The following GALNTL6 variants were observed in gnomAD, a reference collection of about 807,000 sequenced individuals.
The protein encoded by GALNTL6 is polypeptide N-acetylgalactosaminyltransferase-like 6.
In GALNTL6, 46 loss-of-function variants were observed where a neutral mutation model predicts 73.7. That is an observed-to-expected ratio of 0.62 (90% CI 0.49 to 0.80). The LOEUF is 0.80. GALNTL6 is among the 30% of genes least tolerant of loss of function. The pLI, the probability that GALNTL6 is intolerant of heterozygous loss-of-function variation, is 0.00. For missense variants in GALNTL6, 604 were observed against 755.0 expected, an observed-to-expected ratio of 0.80 and a Z score of 2.34; for synonymous variants, 259 against 263.7, an observed-to-expected ratio of 0.98 and a Z score of 0.17.
At position 172,604,486 on chromosome 4, in the gene GALNTL6, A is replaced by G. The variant is rs1200554841; in HGVS notation, c.554-204875A>G. ...AAGACTTTAAGCACCAGTGTGATAG[A>G]CATTTGTCAAAATGCATAAAGAAAA... On this transcript the variant is annotated intron_variant, in intron 5 of 12. Coordinates refer to ENST00000506823, the MANE Select transcript of GALNTL6 (RefSeq NM_001034845.3). Among the ~76,000 whole-genome samples, 3 of 152,210 alleles carry G rather than the reference A, an allele frequency of 2.0e-5. No individual in the cohort carries two copies. The East Asian group carries it at 5.8e-4, about 29-fold the overall frequency.
chr4:171,992,747 C>G (rs1327649322), intron 2 of GALNTL6, among the ~76,000 whole-genome samples: 1 of 151,926 alleles, frequency 6.6e-6, no homozygotes, highest in Non-Finnish European at 1.5e-5. Flanking sequence ...AACTAGAAAG[C>G]CTAAGTAGCC....
intron 2 of GALNTL6, among the ~76,000 whole-genome samples, chr4:172,051,504 G>C (rs1730865912): frequency 6.6e-6 from 1 of 152,090 alleles, no homozygotes; most frequent in African/African-American, 2.4e-5. Flanking sequence ...GGGGTGGGAA[G>C]GTGATCTTCC....
In GALNTL6 at chr4:173,004,426, AGACCAGCCTGCCCAACAT is replaced by A. The variant is rs1289157528; in HGVS notation, c.1372-4749_1372-4732del. ...CGGATCATCTGAGGTCAGGAGTTCAAGACCAGCCTGCCCAACATGATGAAACCGCATCTCTACTAAAAA... is the reference window on the plus strand; with the variant it reads ...CGGATCATCTGAGGTCAGGAGTTCAAGATGAAACCGCATCTCTACTAAAAA... On this transcript the variant is annotated intron_variant, in intron 10 of 12. Coordinates refer to ENST00000506823, the MANE Select transcript of GALNTL6 (RefSeq NM_001034845.3). 2.0e-5 allele frequency among the ~76,000 whole-genome samples: 3 copies of A among 152,202 alleles called. No individual in the cohort carries two copies. The East Asian group carries it at 5.8e-4, about 29-fold the overall frequency.
intron 2 of GALNTL6, among the ~76,000 whole-genome samples, chr4:172,183,096 G>T (rs867090352): frequency 2.0e-5 from 3 of 152,020 alleles, no homozygotes; most frequent in African/African-American, 7.2e-5. Context: ...GTACATATTT[G>T]CTTTGCTTTG....
Position 172,434,863 on chromosome 4 carries a change from A to T in GALNTL6, c.553+86174A>T, listed in dbSNP as rs143406619. Among the ~76,000 whole-genome samples the T allele has an allele frequency of 1.0e-3, 152 of 152,190 alleles. 1 individual carries two copies. In the East Asian group the frequency reaches 0.025, roughly 25 times the overall value. The stretch of plus-strand genomic sequence containing the variant: ...TCTGATCTCATTTCTGTGGCATCAT[A>T]TTCCATAGTCTTTATTTTCACGTCT... On this transcript the variant is annotated intron_variant, in intron 5 of 12. Coordinates refer to ENST00000506823, the MANE Select transcript of GALNTL6 (RefSeq NM_001034845.3).
chr4:172,431,118 C>T (rs1731433234), intron 5 of GALNTL6, among the ~76,000 whole-genome samples: 1 of 152,074 alleles, frequency 6.6e-6, no homozygotes, highest in Admixed American at 6.5e-5. Context: ...AAATTAAATT[C>T]TGCCATTAAA....
chr4:171,953,123 G>T (rs28642344), intron 2 of GALNTL6, among the ~76,000 whole-genome samples: 1 of 152,024 alleles, frequency 6.6e-6, no homozygotes, highest in Non-Finnish European at 1.5e-5. Context: ...GAAAAAAAGG[G>T]CTAAAAAATT....
intron 2 of GALNTL6, among the ~76,000 whole-genome samples, chr4:172,014,227 G>A (rs1216840838): frequency 6.6e-6 from 1 of 151,854 alleles, no homozygotes; most frequent in Admixed American, 6.6e-5. Flanking sequence ...TTTCTTTTGG[G>A]TATATGGTGA....
At chr4:172,697,255 A>C (rs1733754497) in intron 5 of GALNTL6, among the ~76,000 whole-genome samples, 1 of 152,232 alleles carries the variant, frequency 6.6e-6, no homozygotes, top group Non-Finnish European at 1.5e-5. Context: ...CATTTAGACC[A>C]GCAATAGAAT....
At chr4:172,784,970 C>T (rs1355657229) in intron 5 of GALNTL6, among the ~76,000 whole-genome samples, 1 of 152,066 alleles carries the variant, frequency 6.6e-6, no homozygotes, top group Non-Finnish European at 1.5e-5. Context: ...TGGCAGATCT[C>T]GTGTCTTTCT....
intron 2 of GALNTL6, among the ~76,000 whole-genome samples, chr4:172,203,873 A>G (rs1006140106): frequency 6.6e-6 from 1 of 152,016 alleles, no homozygotes; most frequent in Non-Finnish European, 1.5e-5. Context: ...CAGTCTCCCG[A>G]GTAGCTGGGA....
At chr4:172,967,342 AAG>A (rs1750377666) in intron 10 of GALNTL6, among the ~76,000 whole-genome samples, 1 of 152,220 alleles carries the variant, frequency 6.6e-6, no homozygotes, top group African/African-American at 2.4e-5. Context: ...GCCCATTCCA[AAG>A]AGAAACTAAA....
At chr4:171,926,091 G>A (rs545399441) in intron 2 of GALNTL6, among the ~76,000 whole-genome samples, 8 of 151,866 alleles carry the variant, frequency 5.3e-5, no homozygotes, top group South Asian at 4.2e-4. Context: ...TTCCTTTATC[G>A]AAAGACATAA....
intron 5 of GALNTL6, among the ~76,000 whole-genome samples, chr4:172,552,401 G>A (rs528019296): frequency 6.6e-6 from 1 of 151,952 alleles, no homozygotes; most frequent in Non-Finnish European, 1.5e-5. Context: ...AATTGCCAGT[G>A]CAAATATATA....
At chr4:172,588,290 A>T (rs1175994289) in intron 5 of GALNTL6, among the ~76,000 whole-genome samples, 1 of 152,074 alleles carries the variant, frequency 6.6e-6, no homozygotes, top group African/African-American at 2.4e-5. Flanking sequence ...GTGGCAGAAG[A>T]CACATTAAAA....
At chr4:172,739,922 C>T (rs1448876374) in intron 5 of GALNTL6, among the ~76,000 whole-genome samples, 1 of 149,564 alleles carries the variant, frequency 6.7e-6, no homozygotes. Context: ...AAGAGCAGAG[C>T]TGTTCAAGAA....
intron 7 of GALNTL6, among the ~76,000 whole-genome samples, chr4:172,877,173 A>G (rs1745235353): frequency 1.3e-5 from 2 of 152,152 alleles, no homozygotes; most frequent in East Asian, 1.9e-4. Flanking sequence ...TTCTTTATGT[A>G]TGTTTATCTT....
intron 2 of GALNTL6, among the ~76,000 whole-genome samples, chr4:172,219,163 G>A (rs1182323985): frequency 7.5e-6 from 1 of 133,432 alleles, no homozygotes; most frequent in African/African-American, 2.8e-5. Context: ...TGATCACTTT[G>A]CAATCAGAAA....
At chr4:172,250,643 A>G (rs1005337601) in intron 3 of GALNTL6, among the ~76,000 whole-genome samples, 3 of 152,120 alleles carry the variant, frequency 2.0e-5, no homozygotes, top group African/African-American at 7.2e-5. Flanking sequence ...GCAGAAGGAC[A>G]TGTTTGCTTC....
Sources: gnomAD v4.1 joint callset for allele counts (sites outside exome capture counted in the v4.1 genomes callset) on GRCh38, gnomAD v4.1.1 for gene constraint, MANE v1.5 for transcripts, NCBI Gene and HGNC (gene_info 2026-07-23, HGNC 2026-07-21) for gene names.